Variants in SIRPD observed in about 807,000 individuals in gnomAD.
The protein encoded by SIRPD is signal-regulatory protein delta.
Under a neutral mutation model 18.0 loss-of-function variants are expected in SIRPD, and 21 were observed. The ratio of observed to expected loss-of-function variants is 1.17; its 90% CI spans 0.83 to 1.68. SIRPD has a LOEUF of 1.68. Among genes scored for constraint, SIRPD ranks in the 40% most tolerant of loss-of-function variants. SIRPD has a pLI of 0.00. For synonymous variants in SIRPD, 106 were observed against 92.9 expected, an observed-to-expected ratio of 1.14 and a Z score of -0.81; for missense variants, 295 against 238.4, an observed-to-expected ratio of 1.24 and a Z score of -1.56.
intron 2 of SIRPD, among the ~76,000 whole-genome samples, chr20:1,539,905 A>G (rs574465440): frequency 6.6e-6 from 1 of 152,310 alleles, no homozygotes; most frequent in Admixed American, 6.5e-5. Flanking sequence ...CCTTTGGATT[A>G]TTGCATTATT....
intron 3 of SIRPD, 28 bp from the exon 4 acceptor site, chr20:1,534,469 T>C (rs556970932): frequency 1.3e-6 from 2 of 1,592,066 alleles, no homozygotes; most frequent in African/African-American, 1.4e-5. Flanking sequence ...TAAAATAAAA[T>C]AAAACATTTC....
At chr20:1,556,539 T>A (rs1218917641) in intron 1 of SIRPD, among the ~76,000 whole-genome samples, 1 of 152,232 alleles carries the variant, frequency 6.6e-6, no homozygotes, top group South Asian at 2.1e-4. Flanking sequence ...TAGCTCAGAA[T>A]GTGACCTTAC....
chr20:1,557,441 A>C, intron 1 of SIRPD, 140 bp downstream of exon 1: 1 of 631,374 alleles, frequency 1.6e-6, no homozygotes, highest in Middle Eastern at 4.8e-4. Flanking sequence ...ATCCCAGTGT[A>C]GTCTTCTGAG....
intron 2 of SIRPD, among the ~76,000 whole-genome samples, chr20:1,547,266 C>T (rs767741105): frequency 1.3e-5 from 2 of 152,168 alleles, no homozygotes; most frequent in African/African-American, 2.4e-5. Context: ...TGAAAAGATG[C>T]TTCTTTCCTC....
intron 2 of SIRPD, among the ~76,000 whole-genome samples, chr20:1,539,044 A>G (rs1457003123): frequency 1.3e-5 from 2 of 152,126 alleles, no homozygotes; most frequent in African/African-American, 4.8e-5. Flanking sequence ...AACCTTTGTC[A>G]TTGTTTTAGT....
intron 2 of SIRPD, among the ~76,000 whole-genome samples, chr20:1,545,680 T>C (rs909380388): frequency 6.6e-6 from 1 of 152,198 alleles, no homozygotes; most frequent in Non-Finnish European, 1.5e-5. Context: ...ATGTCATTCT[T>C]TGGAGGAGAA....
chr20:1,550,051 C>G (rs1380317458), intron 2 of SIRPD, among the ~76,000 whole-genome samples: 43 of 152,190 alleles, frequency 2.8e-4, no homozygotes, highest in Admixed American at 2.8e-3. Flanking sequence ...TAACTAGAGA[C>G]TTCTTACTAA....
At chr20:1,539,156 T>C (rs1229294535) in intron 2 of SIRPD, among the ~76,000 whole-genome samples, 1 of 152,246 alleles carries the variant, frequency 6.6e-6, no homozygotes, top group Non-Finnish European at 1.5e-5. Flanking sequence ...AGTAACTACA[T>C]GCCTCAAGTT....
intron 3 of SIRPD, among the ~76,000 whole-genome samples, chr20:1,535,782 C>G (rs1213547797): frequency 6.6e-6 from 1 of 152,212 alleles, no homozygotes; most frequent in East Asian, 1.9e-4. Flanking sequence ...CCCTGAGGCT[C>G]TGTTTTCTTA....
rs764816969 is a variant in SIRPD, at chr20:1,537,324, C to T, written c.422-14G>A. Reference sequence around the variant, plus strand: ...TTGGATTCTGCTCTGCTGAGAGAGGCAAAACTATGTGTTCCATGATATAAG... The same window carrying T: ...TTGGATTCTGCTCTGCTGAGAGAGGTAAAACTATGTGTTCCATGATATAAG... On this transcript the variant is annotated splice_polypyrimidine_tract_variant and intron_variant, in intron 2 of 3. Transcript: ENST00000381623. The T allele has an allele frequency of 5.0e-6, 8 of 1,610,802 alleles. No homozygotes were observed. The East Asian group carries it at 1.8e-4, about 36-fold the overall frequency.
chr20:1,540,411 T>C, intron 2 of SIRPD: 3 of 435,048 alleles, frequency 6.9e-6, no homozygotes, highest in South Asian at 4.9e-5. Context: ...AAATGTACAA[T>C]TCAATATTTG....
chr20:1,547,546 T>C (rs1030076365), intron 2 of SIRPD, among the ~76,000 whole-genome samples: 5 of 152,176 alleles, frequency 3.3e-5, no homozygotes, highest in African/African-American at 1.2e-4. Context: ...CGTGAGCCAT[T>C]GCGTCCAGCC....
chr20:1,544,558 T>C lies in SIRPD; in HGVS notation c.421+7133A>G, dbSNP rs147381096. The stretch of plus-strand genomic sequence containing the variant: ...CTGAATACAACACACCGATGGGTCT[T>C]GACTCTTTATCCAATTTGCCAGTCT... On this transcript the variant is annotated intron_variant, in intron 2 of 3. Coordinates refer to ENST00000381623, the MANE Select transcript of SIRPD (RefSeq NM_178460.3). 9.1e-3 allele frequency among the ~76,000 whole-genome samples: 1,387 copies of C among 152,246 alleles called. 22 individuals carry two copies. The highest frequency in any genetic ancestry group is 0.033 in the African/African-American group (1,350 of 41,532).
Position 1,551,710 on chromosome 20 carries a change from G to T in SIRPD, c.402C>A (p.Gly134=), listed in dbSNP as rs1163872478. ...ACTCACCAGTAACAAACACCTGAGT[G>T]CCCCGACCTGATTGGTACTCCTTGA... The part of the protein sequence containing the change: ...RAIKEYQSGR[G]TQVFVTEQNP... The change falls in exon 2 of 4, where the codon GGC becomes GGA. Residue 134 remains glycine (G), a synonymous_variant. Coordinates refer to ENST00000381623, the MANE Select transcript of SIRPD (RefSeq NM_178460.3). The T allele has an allele frequency of 6.2e-7, 1 of 1,613,380 alleles. No individual in the cohort carries two copies. Among genetic ancestry groups the T allele is most frequent in the Non-Finnish European group, 8.5e-7 (1 of 1,179,554 alleles).
At chr20:1,546,275 C>T (rs148610314) in intron 2 of SIRPD, among the ~76,000 whole-genome samples, 80 of 152,336 alleles carry the variant, frequency 5.3e-4, no homozygotes, top group African/African-American at 1.5e-3. Context: ...TATCTATAAG[C>T]CCCTGACTGG....
intron 1 of SIRPD, 96 bp from the exon 2 acceptor site, chr20:1,552,134 G>C (rs1430622494): frequency 6.8e-6 from 7 of 1,029,808 alleles, no homozygotes; most frequent in Non-Finnish European, 9.9e-6. Flanking sequence ...TTCTTTTAAT[G>C]ACATGCGCAA....
chr20:1,552,102 A>C, intron 1 of SIRPD, 64 bp from the exon 2 acceptor site: 1 of 1,356,334 alleles, frequency 7.4e-7, no homozygotes, highest in Non-Finnish European at 1.0e-6. Context: ...GGTACGGGTC[A>C]CGGTTGGGCC....
chr20:1,551,159 G>A (rs1014167449), intron 2 of SIRPD, among the ~76,000 whole-genome samples: 1 of 152,204 alleles, frequency 6.6e-6, no homozygotes, highest in African/African-American at 2.4e-5. Context: ...ACAAGGAGCA[G>A]TATGGTTGTG....
chr20:1,556,358 A>G (rs1354391476), intron 1 of SIRPD, among the ~76,000 whole-genome samples: 1 of 152,242 alleles, frequency 6.6e-6, no homozygotes, highest in Non-Finnish European at 1.5e-5. Context: ...TCTCCATTGA[A>G]TAAAAAGAGG....
Sources: allele counts gnomAD v4.1 joint callset (sites outside exome capture counted in the v4.1 genomes callset), GRCh38; gene constraint gnomAD v4.1.1; transcripts MANE v1.5; gene names NCBI Gene and HGNC (gene_info 2026-07-23, HGNC 2026-07-21).